Variants in GALNT15 observed in about 807,000 individuals in gnomAD.
The protein encoded by GALNT15 is polypeptide N-acetylgalactosaminyltransferase 15.
GALNT15 carries 67 observed loss-of-function variants against 66.8 expected under a neutral mutation model. The observed-to-expected ratio is 1.00, with a 90% CI of 0.82 to 1.23. The LOEUF (loss-of-function observed/expected upper bound fraction) is 1.23. Ranked by LOEUF, GALNT15 falls within the 50% of genes most tolerant of loss-of-function variation. The pLI, the probability that GALNT15 is intolerant of heterozygous loss-of-function variation, is 0.00. For synonymous variants in GALNT15, 313 were observed against 311.5 expected, an observed-to-expected ratio of 1.00 and a Z score of -0.05; for missense variants, 827 against 804.3, an observed-to-expected ratio of 1.03 and a Z score of -0.34.
chr3:16,195,189 AG>A lies in GALNT15; in HGVS notation c.540-567del, dbSNP rs2063619094. The stretch of plus-strand genomic sequence containing the variant: ...GTCCTGATCTTCCCAGAAGGCCAGG[AG>A]GGGTGTCCCTAGGTCATTTAGTTGT... On this transcript the variant is annotated intron_variant, in intron 1 of 9. Transcript: ENST00000339732. The surrounding 1 kb of genome is among the most constrained non-coding windows in gnomAD (Gnocchi z 4.6). Among the ~76,000 whole-genome samples the A allele has an allele frequency of 6.6e-6, 1 of 152,180 alleles. No homozygotes were observed. The highest frequency in any genetic ancestry group is 1.5e-5 in the Non-Finnish European group (1 of 68,032).
In GALNT15 at chr3:16,228,656, G is replaced by C. The variant is rs1160672124; in HGVS notation, c.*1156G>C. 1.0e-6 allele frequency: 1 copy of C among 959,294 alleles called. No homozygotes were observed. The highest frequency in any genetic ancestry group is 1.2e-6 in the Non-Finnish European group (1 of 810,928). 59.4% of individuals were successfully genotyped at this position (959,294 alleles called of 1,614,324 possible). Reference sequence around the variant, plus strand: ...ACTCCATCTCAAAAAAAAAAAAAAAGAGAGAAACTCTCCTGATGCCCTGTT... The same window carrying C: ...ACTCCATCTCAAAAAAAAAAAAAAACAGAGAAACTCTCCTGATGCCCTGTT... On this transcript the variant is annotated 3_prime_UTR_variant, in exon 10 of 10. Coordinates refer to ENST00000339732, the MANE Select transcript of GALNT15 (RefSeq NM_054110.5).
chr3:16,212,484 C>A, intron 5 of GALNT15, 85 bp from the exon 6 acceptor site: 1 of 1,260,140 alleles, frequency 7.9e-7, no homozygotes, highest in Non-Finnish European at 1.1e-6. Context: ...GTGCATTTTG[C>A]CAGCCCCTCA....
chr3:16,174,965 T>G lies in GALNT15; in HGVS notation c.-187T>G. On this transcript the variant is annotated 5_prime_UTR_variant, in exon 1 of 10. Coordinates refer to ENST00000339732, the MANE Select transcript of GALNT15 (RefSeq NM_054110.5). This position sits in a 1 kb window ranked among gnomAD's most constrained non-coding sequence, Gnocchi z 4.7. ...TGGGGTGAAACTTGGGTCCTGTGGT[T>G]TTCTGATTGTAAGTGGAAGCAGGTC... 1 of 578,050 alleles carries G rather than the reference T, an allele frequency of 1.7e-6. No homozygotes were observed. The highest frequency in any genetic ancestry group is 3.0e-6 in the Non-Finnish European group (1 of 328,804). The allele number at this position is 578,050 out of a possible 1,614,324, so 35.8% of individuals were successfully genotyped here.
chr3:16,238,799 T>C, the GALNT15 span, among the ~76,000 whole-genome samples: 1 of 152,138 alleles, frequency 6.6e-6, no homozygotes, highest in African/African-American at 2.4e-5. This position sits in a 1 kb window ranked among gnomAD's most constrained non-coding sequence, Gnocchi z 4.8. Flanking sequence ...AAGGGCCAGG[T>C]TGTTTTAGGA....
intron 3 of GALNT15, among the ~76,000 whole-genome samples, chr3:16,205,291 G>A (rs1416781556): frequency 2.6e-5 from 4 of 152,208 alleles, no homozygotes; most frequent in Non-Finnish European, 4.4e-5. Context: ...CCAGGCTCAC[G>A]AGAATTAACA....
the GALNT15 span, among the ~76,000 whole-genome samples, chr3:16,240,625 C>T: frequency 4.1e-3 from 621 of 152,306 alleles, 13 homozygotes; most frequent in East Asian, 0.071. Context: ...TATAGTGATC[C>T]TTAAAATATG....
At chr3:16,190,442 T>C (rs990958388) in intron 1 of GALNT15, among the ~76,000 whole-genome samples, 4 of 152,086 alleles carry the variant, frequency 2.6e-5, no homozygotes, top group Admixed American at 6.5e-5. Context: ...ATCGAGACCA[T>C]CCTGGCTAAC....
chr3:16,192,235 C>T (rs1020613600), intron 1 of GALNT15, among the ~76,000 whole-genome samples: 7 of 152,202 alleles, frequency 4.6e-5, no homozygotes, highest in African/African-American at 1.7e-4. Context: ...GCATAACACA[C>T]ACTTGTGTTG....
chr3:16,208,371 C>A, intron 3 of GALNT15, 132 bp from the exon 4 acceptor site: 2 of 723,410 alleles, frequency 2.8e-6, no homozygotes, highest in Non-Finnish European at 4.5e-6. Flanking sequence ...TACTCCACAC[C>A]TGATTTGGAT....
chr3:16,231,838 C>T, downstream of GALNT15: 1 of 1,536,324 alleles, frequency 6.5e-7, no homozygotes, highest in Non-Finnish European at 8.7e-7. The surrounding 1 kb of genome is among the most constrained non-coding windows in gnomAD (Gnocchi z 4.1). Context: ...TTATCAAAGG[C>T]CTTTAACTTT....
At chr3:16,220,169 C>T in intron 8 of GALNT15, 155 bp downstream of exon 8, 2 of 649,508 alleles carry the variant, frequency 3.1e-6, no homozygotes, top group Non-Finnish European at 5.6e-6. Flanking sequence ...AATGACTCAT[C>T]ACAGCTCTCC....
chr3:16,217,875 C>T (rs2063896355), intron 6 of GALNT15, among the ~76,000 whole-genome samples: 1 of 152,148 alleles, frequency 6.6e-6, no homozygotes, highest in South Asian at 2.1e-4. Context: ...GCCAAGAAGC[C>T]ATCAAGAAAC....
In GALNT15 at chr3:16,225,705, T is replaced by C. The variant is rs999935817; in HGVS notation, c.1774-1649T>C. Among the ~76,000 whole-genome samples the C allele has an allele frequency of 6.9e-6, 1 of 145,544 alleles. No homozygotes were observed. Among genetic ancestry groups the C allele is most frequent in the African/African-American group, 2.5e-5 (1 of 39,316 alleles). On this transcript the variant is annotated intron_variant, in intron 9 of 9. Transcript: ENST00000339732. This position sits in a 1 kb window ranked among gnomAD's most constrained non-coding sequence, Gnocchi z 4.4. ...GAGAGACTGTCTCAAAATAAATAAA[T>C]AAATAAAAGAAAAAGAAAAAAAGAA... is the stretch of plus-strand genomic sequence containing the variant.
chr3:16,206,023 CAT>C (rs2063752937), intron 3 of GALNT15, among the ~76,000 whole-genome samples: 1 of 152,148 alleles, frequency 6.6e-6, no homozygotes, highest in Non-Finnish European at 1.5e-5. Context: ...AAAAGAGAAA[CAT>C]AATGAATTTT....
chr3:16,192,472 T>C (rs1487718967), intron 1 of GALNT15, among the ~76,000 whole-genome samples: 1 of 152,176 alleles, frequency 6.6e-6, no homozygotes, highest in African/African-American at 2.4e-5. Context: ...GTTTAGGGTT[T>C]TTTTTTTCAT....
chr3:16,230,885 C>T (rs1460786180), downstream of GALNT15, among the ~76,000 whole-genome samples: 1 of 152,168 alleles, frequency 6.6e-6, no homozygotes, highest in Non-Finnish European at 1.5e-5. The surrounding 1 kb of genome is among the most constrained non-coding windows in gnomAD (Gnocchi z 4.5). Context: ...GACCCCTCTA[C>T]CATTCCTGTA....
At chr3:16,179,730 G>A (rs1299460019) in intron 1 of GALNT15, among the ~76,000 whole-genome samples, 1 of 152,208 alleles carries the variant, frequency 6.6e-6, no homozygotes, top group Non-Finnish European at 1.5e-5. Context: ...TTCTTTACAG[G>A]AACAGAACAA....
At chr3:16,238,449 TAAC>T in the GALNT15 span, among the ~76,000 whole-genome samples, 329 of 152,052 alleles carry the variant, frequency 2.2e-3, no homozygotes, top group African/African-American at 7.7e-3. This position sits in a 1 kb window ranked among gnomAD's most constrained non-coding sequence, Gnocchi z 4.8. Context: ...GTTACAATAT[TAAC>T]AACATTAATA....
Position 16,193,009 on chromosome 3 carries a change from C to T in GALNT15, c.540-2751C>T, listed in dbSNP as rs576726734. ...ACCATGTCGGATTCCTGGTTTTGCTCATTGTGGATGATTACGTGAGATATT... is the reference window on the plus strand; with the variant it reads ...ACCATGTCGGATTCCTGGTTTTGCTTATTGTGGATGATTACGTGAGATATT... On this transcript the variant is annotated intron_variant, in intron 1 of 9. Coordinates refer to ENST00000339732, the MANE Select transcript of GALNT15 (RefSeq NM_054110.5). The surrounding 1 kb of genome is among the most constrained non-coding windows in gnomAD (Gnocchi z 4.7). 5.3e-5 allele frequency among the ~76,000 whole-genome samples: 8 copies of T among 152,192 alleles called. No individual in the cohort carries two copies. In the South Asian group the frequency reaches 1.7e-3, roughly 32 times the overall value.
Sources: allele counts gnomAD v4.1 joint callset (sites outside exome capture counted in the v4.1 genomes callset), GRCh38; gene constraint gnomAD v4.1.1; non-coding constraint Gnocchi (gnomAD v3.1); transcripts MANE v1.5; gene names NCBI Gene and HGNC (gene_info 2026-07-23, HGNC 2026-07-21).